The following PALLD variants were observed in gnomAD, a reference collection of about 807,000 sequenced individuals.
The protein encoded by PALLD is palladin.
A neutral mutation model predicts 123.5 loss-of-function variants in PALLD; 61 were observed. That is an observed-to-expected ratio of 0.49 (90% CI 0.40 to 0.61). The LOEUF (loss-of-function observed/expected upper bound fraction) is 0.61, where lower values mean the gene tolerates loss of function less well. Ranked by LOEUF, PALLD falls within the 20% of genes least tolerant of loss-of-function variation. The pLI, the probability that PALLD is intolerant of heterozygous loss-of-function variation, is 0.00. For synonymous variants in PALLD, 465 were observed against 496.4 expected (o/e 0.94, Z 0.84); for missense variants, 1,273 against 1,377.0 (o/e 0.92, Z 1.20).
chr4:168,819,434 C>G (rs575558203), intron 10 of PALLD, among the ~76,000 whole-genome samples: 3 of 151,624 alleles, frequency 2.0e-5, no homozygotes, highest in African/African-American at 4.9e-5. Context: ...GATTAAACAC[C>G]GTCATCAGCA....
chr4:168,680,860 C>T (rs530777164), intron 3 of PALLD, among the ~76,000 whole-genome samples: 58 of 152,272 alleles, frequency 3.8e-4, no homozygotes, highest in African/African-American at 1.3e-3. Flanking sequence ...TTTGGGAAGG[C>T]ATGATCCAAA....
intron 10 of PALLD, among the ~76,000 whole-genome samples, chr4:168,733,982 G>A (rs867970198): frequency 8.5e-5 from 13 of 152,256 alleles, no homozygotes; most frequent in Middle Eastern, 3.4e-3. Context: ...TGATCTGCCC[G>A]CCTTGGCCTC....
intron 11 of PALLD, chr4:168,894,264 A>T (rs966513489): frequency 1.1e-5 from 4 of 367,150 alleles, no homozygotes; most frequent in Non-Finnish European, 2.0e-5. Flanking sequence ...CTGTTTAAAT[A>T]TCTTTTTTTC....
intron 3 of PALLD, among the ~76,000 whole-genome samples, chr4:168,675,298 C>T (rs563114714): frequency 2.6e-5 from 4 of 152,266 alleles, no homozygotes; most frequent in South Asian, 2.1e-4. Flanking sequence ...AGAGAACCAG[C>T]GTGACACAGA....
At chr4:168,922,159 AAC>A (rs1491478556) in intron 18 of PALLD, among the ~76,000 whole-genome samples, 1 of 150,998 alleles carries the variant, frequency 6.6e-6, no homozygotes, top group Non-Finnish European at 1.5e-5. Context: ...TTTTTAAAAC[AAC>A]ACTGTCATCT....
At chr4:168,888,028 AAGG>A (rs1753611785) in intron 10 of PALLD, among the ~76,000 whole-genome samples, 1 of 152,188 alleles carries the variant, frequency 6.6e-6, no homozygotes, top group Admixed American at 6.5e-5. Context: ...CATCCTTTCC[AAGG>A]AGTCATTAAG....
intron 10 of PALLD, among the ~76,000 whole-genome samples, chr4:168,867,392 T>C (rs1750447452): frequency 2.0e-5 from 3 of 152,174 alleles, no homozygotes; most frequent in African/African-American, 2.4e-5. Context: ...ATGGATACCC[T>C]TCTCAGGCCT....
At chr4:168,692,947 T>A (rs1400719652) in intron 8 of PALLD, among the ~76,000 whole-genome samples, 3 of 152,220 alleles carry the variant, frequency 2.0e-5, no homozygotes, top group Non-Finnish European at 4.4e-5. Flanking sequence ...CACAGCTTAG[T>A]TTTCAGTATG....
chr4:168,499,814 G>A (rs889749834), intron 1 of PALLD, among the ~76,000 whole-genome samples: 7 of 152,106 alleles, frequency 4.6e-5, no homozygotes, highest in African/African-American at 1.7e-4. Flanking sequence ...TGCTGAATGT[G>A]GTACATGGTA....
intron 2 of PALLD, among the ~76,000 whole-genome samples, chr4:168,655,870 A>G (rs1210703141): frequency 6.6e-6 from 1 of 152,212 alleles, no homozygotes; most frequent in East Asian, 1.9e-4. Context: ...TTAAATGCAA[A>G]GAACTAACTG....
intron 2 of PALLD, among the ~76,000 whole-genome samples, chr4:168,616,177 G>A (rs964286718): frequency 7.9e-5 from 12 of 152,012 alleles, no homozygotes; most frequent in Admixed American, 3.3e-4. Flanking sequence ...TACTCCCCAC[G>A]CTATCTTCTC....
At chr4:168,579,361 G>A (rs1769986462) in intron 2 of PALLD, among the ~76,000 whole-genome samples, 1 of 152,100 alleles carries the variant, frequency 6.6e-6, no homozygotes, top group Admixed American at 6.6e-5. Flanking sequence ...ACTGTCAGTT[G>A]TCATTATTAA....
intron 3 of PALLD, 46 bp downstream of exon 3, chr4:168,668,414 T>A: frequency 6.8e-7 from 1 of 1,468,658 alleles, no homozygotes; most frequent in Non-Finnish European, 9.3e-7. Flanking sequence ...GTGTCAATGG[T>A]CTAATGACTC....
intron 2 of PALLD, among the ~76,000 whole-genome samples, chr4:168,529,630 T>C (rs1021617916): frequency 2.0e-5 from 3 of 152,336 alleles, no homozygotes; most frequent in Non-Finnish European, 2.9e-5. Flanking sequence ...AAAAAGTTTT[T>C]TGAGACATTT....
intron 2 of PALLD, among the ~76,000 whole-genome samples, chr4:168,625,510 T>G (rs78076428): frequency 0.22 from 13,802 of 63,986 alleles, 1,615 homozygotes; most frequent in Middle Eastern, 0.37. Flanking sequence ...GAGATATATA[T>G]ATATATATCC....
chr4:168,748,273 A>T (rs12642439), intron 10 of PALLD, among the ~76,000 whole-genome samples: 50,099 of 152,086 alleles, frequency 0.33, 8,873 homozygotes, highest in Middle Eastern at 0.4. Flanking sequence ...GCAAATTTTC[A>T]GTCTCACCCC....
intron 10 of PALLD, among the ~76,000 whole-genome samples, chr4:168,730,401 G>T (rs370642923): frequency 1.3e-5 from 2 of 152,048 alleles, no homozygotes; most frequent in African/African-American, 4.8e-5. Context: ...TTTGGAGGAG[G>T]GAATCCTATT....
chr4:168,770,179 A>G (rs1255424071), intron 10 of PALLD, among the ~76,000 whole-genome samples: 1 of 152,220 alleles, frequency 6.6e-6, no homozygotes, highest in Non-Finnish European at 1.5e-5. Context: ...CTACTCTGGA[A>G]ACGGTTGTCT....
intron 1 of PALLD, among the ~76,000 whole-genome samples, chr4:168,509,122 G>A (rs1235126021): frequency 6.6e-6 from 1 of 152,066 alleles, no homozygotes; most frequent in Non-Finnish European, 1.5e-5. Context: ...TTACAACTCT[G>A]TAAGTTGGAA....
Sources: allele counts gnomAD v4.1 joint callset (sites outside exome capture counted in the v4.1 genomes callset), GRCh38; gene constraint gnomAD v4.1.1; transcripts MANE v1.5; gene names NCBI Gene and HGNC (gene_info 2026-07-23, HGNC 2026-07-21).